The following GPC5 variants were observed in gnomAD, a reference collection of about 807,000 sequenced individuals.
GPC5 encodes the protein glypican-5.
In GPC5, 47 loss-of-function variants were observed where a neutral mutation model predicts 53.9. The observed-to-expected ratio is 0.87, with a 90% CI of 0.69 to 1.11. GPC5 has a LOEUF of 1.11. Among genes scored for constraint, GPC5 ranks in the 50% most tolerant of loss-of-function variants. The probability of loss-of-function intolerance (pLI) is 0.00; values close to 1 mark genes in which losing one functional copy is unlikely to be tolerated. For missense variants in GPC5, 748 were observed against 713.1 expected, an observed-to-expected ratio of 1.05 and a Z score of -0.56; for synonymous variants, 286 against 263.3, an observed-to-expected ratio of 1.09 and a Z score of -0.84.
At chr13:91,484,372 G>T (rs1026534271) in intron 2 of GPC5, among the ~76,000 whole-genome samples, 4 of 152,102 alleles carry the variant, frequency 2.6e-5, no homozygotes, top group East Asian at 1.9e-4. Flanking sequence ...TATTAAAAAA[G>T]CATGTTTTAT....
chr13:92,767,427 C>T (rs530109394), intron 7 of GPC5, among the ~76,000 whole-genome samples: 8 of 152,160 alleles, frequency 5.3e-5, no homozygotes, highest in Non-Finnish European at 8.8e-5. Flanking sequence ...GCCGGGATCG[C>T]GCCACCACAC....
chr13:91,755,076 G>T (rs1174378572), intron 4 of GPC5, among the ~76,000 whole-genome samples: 1 of 151,876 alleles, frequency 6.6e-6, no homozygotes, highest in Non-Finnish European at 1.5e-5. Flanking sequence ...TTTAAAAACC[G>T]ATAGGTTTGT....
intron 5 of GPC5, among the ~76,000 whole-genome samples, chr13:91,773,352 C>T (rs1437031178): frequency 6.6e-6 from 1 of 151,834 alleles, no homozygotes; most frequent in Admixed American, 6.6e-5. Context: ...ATAATAATGG[C>T]TATTTTTGGA....
At chr13:91,506,606 T>C (rs1884957200) in intron 2 of GPC5, among the ~76,000 whole-genome samples, 1 of 152,110 alleles carries the variant, frequency 6.6e-6, no homozygotes, top group Admixed American at 6.6e-5. Context: ...AAGAAATAAG[T>C]AAAAATCACT....
At chr13:91,924,906 G>A (rs571921712) in intron 6 of GPC5, among the ~76,000 whole-genome samples, 97 of 150,102 alleles carry the variant, frequency 6.5e-4, no homozygotes, top group African/African-American at 2.1e-3. Context: ...TGCAAGCTCC[G>A]CCTCCCGGGT....
At chr13:92,536,566 G>T (rs1008209491) in intron 7 of GPC5, among the ~76,000 whole-genome samples, 1 of 152,140 alleles carries the variant, frequency 6.6e-6, no homozygotes, top group Non-Finnish European at 1.5e-5. Flanking sequence ...TGTCCAGCCT[G>T]AGGGAAAAAC....
chr13:92,698,322 C>T (rs144353655), intron 7 of GPC5, among the ~76,000 whole-genome samples: 3 of 152,226 alleles, frequency 2.0e-5, no homozygotes, highest in Non-Finnish European at 1.5e-5. Flanking sequence ...CCCTCTCTCC[C>T]CACCCCACAA....
At chr13:91,739,178 C>T (rs2036876557) in intron 4 of GPC5, among the ~76,000 whole-genome samples, 2 of 151,382 alleles carry the variant, frequency 1.3e-5, no homozygotes. Flanking sequence ...CATAACATTA[C>T]ACGTTGTGTC....
intron 2 of GPC5, among the ~76,000 whole-genome samples, chr13:91,453,909 C>T (rs1881363155): frequency 6.6e-6 from 1 of 151,940 alleles, no homozygotes; most frequent in African/African-American, 2.4e-5. Flanking sequence ...ATGTTAAATC[C>T]ATTATACTTT....
At chr13:92,527,604 G>A (rs1392879105) in intron 7 of GPC5, among the ~76,000 whole-genome samples, 2 of 151,938 alleles carry the variant, frequency 1.3e-5, no homozygotes, top group Non-Finnish European at 2.9e-5. Context: ...GAAGGAGGTG[G>A]AGATGGTTAT....
At chr13:92,518,873 T>C (rs1880907425) in intron 7 of GPC5, among the ~76,000 whole-genome samples, 1 of 152,122 alleles carries the variant, frequency 6.6e-6, no homozygotes, top group East Asian at 1.9e-4. Flanking sequence ...TGTGCTGTAT[T>C]CAGGAGACCC....
chr13:92,350,795 T>G (rs1235753833), intron 7 of GPC5, among the ~76,000 whole-genome samples: 1 of 152,116 alleles, frequency 6.6e-6, no homozygotes, highest in African/African-American at 2.4e-5. Flanking sequence ...TAAATATATG[T>G]TATAAATTGT....
chr13:91,758,016 A>C (rs2174504), intron 5 of GPC5, among the ~76,000 whole-genome samples: 52,968 of 151,908 alleles, frequency 0.35, 10,679 homozygotes, highest in East Asian at 0.65. Context: ...AATATCCTGA[A>C]TATCTGAATA....
intron 7 of GPC5, among the ~76,000 whole-genome samples, chr13:92,350,742 T>C (rs1340493947): frequency 6.6e-6 from 1 of 152,210 alleles, no homozygotes; most frequent in Non-Finnish European, 1.5e-5. Flanking sequence ...CTTAATTTTA[T>C]TACACGTTGT....
chr13:92,318,679 C>T (rs1025883115), intron 7 of GPC5, among the ~76,000 whole-genome samples: 16 of 152,178 alleles, frequency 1.1e-4, no homozygotes, highest in African/African-American at 3.4e-4. Flanking sequence ...TCCATACCAT[C>T]TTAATAAGCA....
At chr13:91,762,643 G>A (rs976834758) in intron 5 of GPC5, among the ~76,000 whole-genome samples, 3 of 131,622 alleles carry the variant, frequency 2.3e-5, no homozygotes, top group African/African-American at 8.7e-5. Flanking sequence ...CATATCCTTT[G>A]TCTATACCTT....
chr13:92,664,075 C>CA (rs1168047591), intron 7 of GPC5, among the ~76,000 whole-genome samples: 3 of 150,904 alleles, frequency 2.0e-5, no homozygotes, highest in Non-Finnish European at 3.0e-5. Flanking sequence ...CTGTCTAAAA[C>CA]AAAAAAAGAT....
chr13:91,862,006 G>A (rs1480555763), intron 5 of GPC5, among the ~76,000 whole-genome samples: 1 of 151,376 alleles, frequency 6.6e-6, no homozygotes, highest in Non-Finnish European at 1.5e-5. Flanking sequence ...ATTTTTCTAT[G>A]TACATCATAA....
intron 7 of GPC5, among the ~76,000 whole-genome samples, chr13:92,838,907 A>G (rs1878321038): frequency 6.6e-6 from 1 of 152,242 alleles, no homozygotes; most frequent in African/African-American, 2.4e-5. Flanking sequence ...ACAAGCTGCC[A>G]TGAAGCTTAT....
Sources: allele counts gnomAD v4.1 joint callset (sites outside exome capture counted in the v4.1 genomes callset), GRCh38; gene constraint gnomAD v4.1.1; transcripts MANE v1.5; gene names NCBI Gene and HGNC (gene_info 2026-07-23, HGNC 2026-07-21).